The following CDH13 variants were observed in gnomAD, a reference collection of about 807,000 sequenced individuals.
CDH13 encodes cadherin-13.
CDH13 carries 24 observed loss-of-function variants against 63.8 expected under a neutral mutation model. That is an observed-to-expected ratio of 0.38 (90% CI 0.27 to 0.53). CDH13 has a LOEUF of 0.53. Among genes scored for constraint, CDH13 ranks in the 20% least tolerant of loss-of-function variants. The pLI is 0.85. For synonymous variants in CDH13, 503 were observed against 355.3 expected, an observed-to-expected ratio of 1.42 and a Z score of -4.67; for missense variants, 1,049 against 903.1, an observed-to-expected ratio of 1.16 and a Z score of -2.07.
intron 9 of CDH13, among the ~76,000 whole-genome samples, chr16:83,675,961 C>G (rs8058363): frequency 4.6e-5 from 7 of 152,044 alleles, no homozygotes; most frequent in Admixed American, 4.6e-4. Context: ...TGACACTGTG[C>G]TAGGTGCTGT....
chr16:83,329,336 C>A (rs1264141835), intron 5 of CDH13, among the ~76,000 whole-genome samples: 1 of 152,138 alleles, frequency 6.6e-6, no homozygotes, highest in Non-Finnish European at 1.5e-5. Flanking sequence ...AGTGATTCTC[C>A]CACCTCAGCC....
chr16:83,496,580 C>G (rs1022620809), intron 7 of CDH13, among the ~76,000 whole-genome samples: 1 of 152,112 alleles, frequency 6.6e-6, no homozygotes, highest in Admixed American at 6.5e-5. Context: ...CTAGGCTTTA[C>G]CATTCAGGAC....
At chr16:83,313,152 C>A (rs1200150367) in intron 5 of CDH13, among the ~76,000 whole-genome samples, 1 of 152,174 alleles carries the variant, frequency 6.6e-6, no homozygotes, top group African/African-American at 2.4e-5. Context: ...GTAAAAATCT[C>A]TCCTGAGCCA....
chr16:83,644,223 G>A (rs1911578591), intron 8 of CDH13, among the ~76,000 whole-genome samples: 1 of 152,148 alleles, frequency 6.6e-6, no homozygotes, highest in Admixed American at 6.5e-5. Flanking sequence ...TTTCCACTAA[G>A]TAAACCCAAG....
intron 12 of CDH13, among the ~76,000 whole-genome samples, chr16:83,780,654 C>T (rs1432131467): frequency 6.6e-6 from 1 of 152,208 alleles, no homozygotes; most frequent in African/African-American, 2.4e-5. Flanking sequence ...TCTGCCATCC[C>T]AGAGTTCCCA....
At chr16:82,870,562 C>G (rs1220134945) in intron 2 of CDH13, among the ~76,000 whole-genome samples, 1 of 151,936 alleles carries the variant, frequency 6.6e-6, no homozygotes, top group Non-Finnish European at 1.5e-5. Context: ...TGAATAAAAT[C>G]TAGTATTTTG....
At chr16:83,140,342 G>A (rs141207088) in intron 4 of CDH13, among the ~76,000 whole-genome samples, 2 of 152,184 alleles carry the variant, frequency 1.3e-5, no homozygotes, top group African/African-American at 4.8e-5. Flanking sequence ...ATCAACACGT[G>A]GTATGGCAGA....
At chr16:83,391,071 C>G (rs965800232) in intron 6 of CDH13, among the ~76,000 whole-genome samples, 1 of 152,164 alleles carries the variant, frequency 6.6e-6, no homozygotes, top group Non-Finnish European at 1.5e-5. Flanking sequence ...TCCAATGACT[C>G]AGGCCCGAGT....
At chr16:83,549,792 C>T (rs1293591257) in intron 7 of CDH13, among the ~76,000 whole-genome samples, 1 of 152,098 alleles carries the variant, frequency 6.6e-6, no homozygotes, top group Non-Finnish European at 1.5e-5. Flanking sequence ...GTAATCCCTT[C>T]GAGGAGAGGT....
intron 7 of CDH13, among the ~76,000 whole-genome samples, chr16:83,578,411 AC>A (rs1598320305): frequency 1.3e-5 from 2 of 152,154 alleles, no homozygotes; most frequent in Non-Finnish European, 1.5e-5. Context: ...AATTTAAATA[AC>A]CCTGGAAGGT....
At chr16:82,922,495 A>C (rs1409815222) in intron 2 of CDH13, among the ~76,000 whole-genome samples, 1 of 152,100 alleles carries the variant, frequency 6.6e-6, no homozygotes, top group African/African-American at 2.4e-5. Flanking sequence ...CAGACTCTAG[A>C]ATCAATCAGA....
At chr16:83,627,414 C>G (rs943276139) in intron 8 of CDH13, among the ~76,000 whole-genome samples, 1 of 152,246 alleles carries the variant, frequency 6.6e-6, no homozygotes, top group Non-Finnish European at 1.5e-5. Context: ...GGCCTCTGAT[C>G]TGAATAGTGC....
At chr16:83,381,927 T>C (rs4782783) in intron 6 of CDH13, among the ~76,000 whole-genome samples, 131,742 of 152,116 alleles carry the variant, frequency 0.87, 57,294 homozygotes, top group East Asian at 0.95. Flanking sequence ...TGCAGAGCTC[T>C]GCCTGTGCAC....
intron 2 of CDH13, among the ~76,000 whole-genome samples, chr16:83,027,678 C>T (rs1915942472): frequency 6.6e-6 from 1 of 152,180 alleles, no homozygotes; most frequent in Non-Finnish European, 1.5e-5. Context: ...GAATCCAAGG[C>T]TTCCTCCAGG....
At chr16:83,622,328 C>T (rs1232292382) in intron 8 of CDH13, among the ~76,000 whole-genome samples, 1 of 152,144 alleles carries the variant, frequency 6.6e-6, no homozygotes, top group African/African-American at 2.4e-5. Flanking sequence ...CAGCACTGCA[C>T]TCCCCTGAGC....
intron 6 of CDH13, among the ~76,000 whole-genome samples, chr16:83,387,718 C>T (rs897639088): frequency 6.6e-6 from 1 of 152,124 alleles, no homozygotes; most frequent in Non-Finnish European, 1.5e-5. Context: ...TTATGAATGG[C>T]GAAGTGGACA....
intron 1 of CDH13, among the ~76,000 whole-genome samples, chr16:82,851,445 T>TAAAAAG (rs911575371): frequency 1.1e-4 from 2 of 17,564 alleles, no homozygotes; most frequent in Non-Finnish European, 3.2e-4. Flanking sequence ...AAAAAAAAAA[T>TAAAAAG]AAAAAGAAAA....
At chr16:82,809,138 T>C in intron 1 of CDH13, among the ~76,000 whole-genome samples, 1 of 152,106 alleles carries the variant, frequency 6.6e-6, no homozygotes, top group East Asian at 1.9e-4. Context: ...GCAAAGTGGC[T>C]CTGTAAAATT....
At chr16:82,691,449 G>A (rs1231134952) in intron 1 of CDH13, among the ~76,000 whole-genome samples, 1 of 152,110 alleles carries the variant, frequency 6.6e-6, no homozygotes, top group Non-Finnish European at 1.5e-5. Context: ...CAGCCTCCCT[G>A]CCCTTTGGTG....
Sources: allele counts gnomAD v4.1 joint callset (sites outside exome capture counted in the v4.1 genomes callset), GRCh38; gene constraint gnomAD v4.1.1; transcripts MANE v1.5; gene names NCBI Gene and HGNC (gene_info 2026-07-23, HGNC 2026-07-21).